MED25: variants seen among roughly 807,000 people sequenced by gnomAD.
The protein encoded by MED25 is mediator of RNA polymerase II transcription subunit 25.
Under a neutral mutation model 89.4 loss-of-function variants are expected in MED25, and 62 were observed. The observed-to-expected ratio is 0.69, with a 90% CI of 0.57 to 0.86. The LOEUF is 0.86. MED25 is among the 40% of genes least tolerant of loss of function. The pLI is 0.00. For synonymous variants in MED25, 449 were observed against 427.9 expected (o/e 1.05, Z -0.61); for missense variants, 905 against 1,005.2 (o/e 0.90, Z 1.35).
chr19:49,823,010 G>A (rs1406159584), intron 3 of MED25, among the ~76,000 whole-genome samples: 1 of 152,050 alleles, frequency 6.6e-6, no homozygotes, highest in Non-Finnish European at 1.5e-5. Flanking sequence ...GTGCAGTGGT[G>A]GGATCATAGC....
rs780540016 is a variant in MED25, at chr19:49,835,638, T to C, written c.1746+33T>C. The C allele has an allele frequency of 5.1e-6, 8 of 1,557,186 alleles. No individual in the cohort carries two copies. Among genetic ancestry groups the C allele is most frequent in the Non-Finnish European group, 6.1e-6 (7 of 1,151,132 alleles). On this transcript the variant is annotated intron_variant, in intron 15 of 17. Coordinates refer to ENST00000312865, the MANE Select transcript of MED25 (RefSeq NM_030973.4). This position sits in a 1 kb window ranked among gnomAD's most constrained non-coding sequence, Gnocchi z 6.2. ...CAGGGCTGGCGGGGTCGGGGCTGGG[T>C]TGGGGAGGCCCCAAGGCTGCGCTCT... is the stretch of plus-strand genomic sequence containing the variant.
chr19:49,823,309 C>T (rs1013519577), intron 3 of MED25, among the ~76,000 whole-genome samples: 3 of 152,160 alleles, frequency 2.0e-5, no homozygotes, highest in Non-Finnish European at 4.4e-5. Context: ...CTATCCCGTT[C>T]AGTGTAGGAG....
At chr19:49,837,023 G>A (rs1290924724), downstream of MED25, 2 of 1,149,814 alleles carry the variant, frequency 1.7e-6, no homozygotes, top group Admixed American at 3.9e-5. Context: ...CTGGGCAGGA[G>A]GAAACCCCAG....
rs763182879 is a variant in MED25 at position 49,818,315 on chromosome 19, G to C, written c.-27G>C. The stretch of plus-strand genomic sequence containing the variant: ...TTCCGCGGCGTCGGCTGCGGCTGCA[G>C]TGGTGGTGGCGGGTACCGCACGGGG... On this transcript the variant is annotated 5_prime_UTR_variant, in exon 1 of 18. Transcript: ENST00000312865. The C allele has an allele frequency of 6.4e-7, 1 of 1,568,906 alleles. No individual in the cohort carries two copies. Among genetic ancestry groups the C allele is most frequent in the South Asian group, 1.1e-5 (1 of 87,850 alleles).
chr19:49,836,107 C>G lies in MED25; in HGVS notation c.1966-119C>G. 2.6e-6 allele frequency: 4 copies of G among 1,516,724 alleles called. No homozygotes were observed. The highest frequency in any genetic ancestry group is 3.6e-6 in the Non-Finnish European group (4 of 1,114,408). The allele number at this position is 1,516,724 out of a possible 1,614,324, so 94.0% of individuals were successfully genotyped here. On this transcript the variant is annotated intron_variant, in intron 16 of 17. Coordinates refer to ENST00000312865, the MANE Select transcript of MED25 (RefSeq NM_030973.4). The surrounding 1 kb of genome is among the most constrained non-coding windows in gnomAD (Gnocchi z 5.1). ...AGACCGCCTCCTCTCCGTCCATCCC[C>G]CACCTTTGAAGAAAAACTTCCCCTC...
At chr19:49,825,078 C>G (rs2074007102) in intron 3 of MED25, among the ~76,000 whole-genome samples, 1 of 152,120 alleles carries the variant, frequency 6.6e-6, no homozygotes, top group African/African-American at 2.4e-5. Flanking sequence ...TTGCAGCCAG[C>G]CATAGTGCTT....
chr19:49,819,206 A>G lies in MED25; in HGVS notation c.215A>G (p.Asn72Ser), dbSNP rs150418453. 2 of 1,614,196 alleles carry G rather than the reference A, an allele frequency of 1.2e-6. No homozygotes were observed. The highest frequency in any genetic ancestry group is 2.7e-5 in the African/African-American group (2 of 75,048). ...GGTQYSLVVF[N>S]TVDCAPESYV... ...ACCCAGTACAGCCTCGTGGTGTTCA[A>G]CACAGTGGACTGCGCTCCCGAGTCC... Residue 72 changes from asparagine to serine, a missense_variant, in exon 3 of 18, where the codon AAC becomes AGC. This residue lies in a region of MED25 where 501 missense variants were observed against 526.9 expected (regional missense o/e 0.95). Coordinates refer to ENST00000312865, the MANE Select transcript of MED25 (RefSeq NM_030973.4).
intron 4 of MED25, 47 bp downstream of exon 4, chr19:49,828,594 C>T: frequency 1.4e-6 from 2 of 1,458,874 alleles, no homozygotes; most frequent in Non-Finnish European, 9.6e-7. Context: ...CTCTGCCTGG[C>T]CTGGAACCAC....
In MED25 at chr19:49,829,973, G is replaced by T. The variant is rs767453871; in HGVS notation, c.688+25G>T. 4.4e-6 allele frequency: 7 copies of T among 1,603,294 alleles called. No individual in the cohort carries two copies. The highest frequency in any genetic ancestry group is 1.1e-5 in the South Asian group (1 of 90,826). ...GGTGAGGCCTGGGCACCGTGCGCGGGGATGGGGGCTCGACGTGTTTCCCCA... is the reference window on the plus strand; with the variant it reads ...GGTGAGGCCTGGGCACCGTGCGCGGTGATGGGGGCTCGACGTGTTTCCCCA... On this transcript the variant is annotated intron_variant, in intron 6 of 17. Transcript: ENST00000312865. The surrounding 1 kb of genome is among the most constrained non-coding windows in gnomAD (Gnocchi z 4.6).
rs1225135998 is a variant in MED25, at chr19:49,834,007, C to G, written c.1483-979C>G. The stretch of plus-strand genomic sequence containing the variant: ...GGGCCCTGTGGTTCTCTTGGCCTCT[C>G]CTTTATAGTCACAAGGTAGCTCTCA... On this transcript the variant is annotated intron_variant, in intron 13 of 17. Transcript: ENST00000312865. This position sits in a 1 kb window ranked among gnomAD's most constrained non-coding sequence, Gnocchi z 4.1. 1 of 152,278 alleles carries G rather than the reference C, an allele frequency of 6.6e-6. No homozygotes were observed. The highest frequency in any genetic ancestry group is 2.4e-5 in the African/African-American group (1 of 41,446). The allele number at this position is 152,278 out of a possible 1,614,324, so 9.4% of individuals were successfully genotyped here.
At chr19:49,824,487 A>T (rs1489226997) in intron 3 of MED25, among the ~76,000 whole-genome samples, 1 of 151,084 alleles carries the variant, frequency 6.6e-6, no homozygotes, top group Admixed American at 6.6e-5. Context: ...CAGGAGGCTG[A>T]GGTAGGAGGA....
chr19:49,835,522 C>T lies in MED25; in HGVS notation c.1675-12C>T. On this transcript the variant is annotated splice_polypyrimidine_tract_variant and intron_variant, in intron 14 of 17. Transcript: ENST00000312865. This position sits in a 1 kb window ranked among gnomAD's most constrained non-coding sequence, Gnocchi z 6.2. Reference sequence around the variant, plus strand: ...CCCTCAGTTACTGACCTGCCCCTCTCTCCCCGTGCAGATGGGGGGACAGCA... The same window carrying T: ...CCCTCAGTTACTGACCTGCCCCTCTTTCCCCGTGCAGATGGGGGGACAGCA... The T allele has an allele frequency of 1.3e-6, 2 of 1,546,418 alleles. No homozygotes were observed. Among genetic ancestry groups the T allele is most frequent in the South Asian group, 1.2e-5 (1 of 83,128 alleles).
chr19:49,819,872 T>A (rs2073970336), intron 3 of MED25: 1 of 174,898 alleles, frequency 5.7e-6, no homozygotes, highest in Non-Finnish European at 1.2e-5. Context: ...TCTCCCAGGC[T>A]TGTAGTGCAG....
At chr19:49,823,381 G>A (rs1194246401) in intron 3 of MED25, among the ~76,000 whole-genome samples, 3 of 152,128 alleles carry the variant, frequency 2.0e-5, no homozygotes, top group Admixed American at 2.0e-4. Flanking sequence ...TGGGGGCTGG[G>A]TACCGCAACC....
intron 3 of MED25, chr19:49,819,735 C>G: frequency 3.1e-6 from 1 of 326,472 alleles, no homozygotes; most frequent in Non-Finnish European, 5.9e-6. Context: ...CCGTCTACCC[C>G]TGTCCTCCTT....
chr19:49,838,502 G>C (rs1006212790), downstream of MED25: 2 of 447,652 alleles, frequency 4.5e-6, no homozygotes, highest in Non-Finnish European at 4.5e-6. Flanking sequence ...CTTTGTCACG[G>C]GGTTTGCACT....
rs770307133 is a variant in MED25 at position 49,819,180 on chromosome 19, G to T, written c.189G>T (p.Gly63=). 7 of 1,614,060 alleles carry T rather than the reference G, an allele frequency of 4.3e-6. No homozygotes were observed. Among genetic ancestry groups the T allele is most frequent in the Non-Finnish European group, 5.9e-6 (7 of 1,180,030 alleles). ...AETDFGGDYG[G]TQYSLVVFNT... is the part of the protein sequence containing the mutation. ...CTGTCCTCCCCTCCCAGTATGGGGG[G>T]ACCCAGTACAGCCTCGTGGTGTTCA... Residue 63 remains glycine, a synonymous_variant, in exon 3 of 18, where the codon GGG becomes GGT. Coordinates refer to ENST00000312865, the MANE Select transcript of MED25 (RefSeq NM_030973.4).
chr19:49,827,112 G>A (rs553991740), intron 3 of MED25, among the ~76,000 whole-genome samples: 1 of 152,216 alleles, frequency 6.6e-6, no homozygotes, highest in South Asian at 2.1e-4. Flanking sequence ...ACTTCAGGGG[G>A]ACAGGGCCCT....
chr19:49,828,108 A>G (rs1568621676), intron 3 of MED25, among the ~76,000 whole-genome samples: 1 of 152,118 alleles, frequency 6.6e-6, no homozygotes, highest in Admixed American at 6.5e-5. Context: ...AGGCACCTGT[A>G]GTCCCAGCTA....
Sources: gnomAD v4.1 joint callset for allele counts (sites outside exome capture counted in the v4.1 genomes callset) on GRCh38, gnomAD v4.1.1 for gene constraint, gnomAD v4.1.1 regional missense constraint, Gnocchi (gnomAD v3.1) non-coding constraint, MANE v1.5 for transcripts, NCBI Gene and HGNC (gene_info 2026-07-23, HGNC 2026-07-21) for gene names.